STX6: variants seen among roughly 807,000 people sequenced by gnomAD.
The protein encoded by STX6 is syntaxin-6.
In STX6, 23 loss-of-function variants were observed where a neutral mutation model predicts 38.0. The ratio of observed to expected loss-of-function variants is 0.60; its 90% CI spans 0.43 to 0.86. STX6 has a LOEUF of 0.86. Among genes scored for constraint, STX6 ranks in the 40% least tolerant of loss-of-function variants. The pLI is 0.00. For synonymous variants in STX6, 123 were observed against 107.5 expected, an observed-to-expected ratio of 1.14 and a Z score of -0.89; for missense variants, 274 against 312.9, an observed-to-expected ratio of 0.88 and a Z score of 0.94.
rs55654509 is a variant in STX6 at position 181,008,727 on chromosome 1, GTTTTTTTT to G, written c.36-3272_36-3265del. Among the ~76,000 whole-genome samples, 22 of 108,728 alleles carry G rather than the reference GTTTTTTTT, an allele frequency of 2.0e-4. 1 individual carries two copies. In the South Asian group the frequency reaches 4.2e-3, roughly 21 times the overall value. The allele number at this position is 108,728 out of a possible 152,430, so 71.3% of individuals were successfully genotyped here. On this transcript the variant is annotated intron_variant, in intron 1 of 7. Transcript: ENST00000258301. ...TAGTTGATATAAGCTTTCCAAAATT[GTTTTTTTT>G]TTTTTTTTTTTTTTAAACAAAAGGC...
At chr1:181,010,738 A>G (rs1656367790) in intron 1 of STX6, among the ~76,000 whole-genome samples, 1 of 152,154 alleles carries the variant, frequency 6.6e-6, no homozygotes, top group African/African-American at 2.4e-5. Flanking sequence ...CAGGAGTTTT[A>G]GCCACCACAG....
At position 180,992,923 on chromosome 1, in the gene STX6, A is replaced by G. The variant is rs1655794593; in HGVS notation, c.363+440T>C. Reference sequence around the variant, plus strand: ...AATGTAGTAACTGCTAGAGAGCTCAAAACAAACAAACAAACAAGAAACAAA... The same window carrying G: ...AATGTAGTAACTGCTAGAGAGCTCAGAACAAACAAACAAACAAGAAACAAA... On this transcript the variant is annotated intron_variant, in intron 4 of 7. Transcript: ENST00000258301. Among the ~76,000 whole-genome samples, 3 of 152,096 alleles carry G rather than the reference A, an allele frequency of 2.0e-5. No individual in the cohort carries two copies. The South Asian group carries it at 6.2e-4, about 31-fold the overall frequency.
chr1:181,007,655 C>T (rs573574126), intron 1 of STX6, among the ~76,000 whole-genome samples: 2 of 152,254 alleles, frequency 1.3e-5, no homozygotes, highest in Admixed American at 6.5e-5. Context: ...AATGATGATG[C>T]TGGAATTAAA....
chr1:181,005,194 G>A (rs916287940), intron 2 of STX6, 100 bp downstream of exon 2: 12 of 1,515,418 alleles, frequency 7.9e-6, no homozygotes, highest in South Asian at 1.3e-5. Flanking sequence ...AACATTAATC[G>A]ATTATAAAAT....
In STX6 at chr1:180,990,102, A is replaced by G. The variant is rs1655712456; in HGVS notation, c.371T>C (p.Leu124Pro). Residue 124 changes from leucine (L) to proline (P), a missense_variant, in exon 5 of 8, where the codon CTG becomes CCG. Transcript: ENST00000258301. Reference protein sequence around the residue: ...LAERKNRQALLGDSGSQNWST... With the variant: ...LAERKNRQALPGDSGSQNWST... The stretch of plus-strand genomic sequence containing the variant: ...CCAGTTCTGGCTGCCACTGTCTCCC[A>G]GCAGTGCCTGTGTGAGAAGAACAAC... 6.2e-7 allele frequency: 1 copy of G among 1,614,032 alleles called. No individual in the cohort carries two copies. Among genetic ancestry groups the G allele is most frequent in the South Asian group, 1.1e-5 (1 of 91,082 alleles).
chr1:180,990,996 T>C (rs995200133), intron 4 of STX6, among the ~76,000 whole-genome samples: 14 of 152,210 alleles, frequency 9.2e-5, no homozygotes, highest in Non-Finnish European at 1.9e-4. Flanking sequence ...CAGAAGACGC[T>C]AGCAACTAAG....
Position 181,018,388 on chromosome 1 carries a change from CAAAAAAA to C in STX6, c.35+4244_35+4250del, listed in dbSNP as rs34962747. On this transcript the variant is annotated intron_variant, in intron 1 of 7. Coordinates refer to ENST00000258301, the MANE Select transcript of STX6 (RefSeq NM_005819.6). ...TGGGCGACAGAGTAAGACTCTGTCC[CAAAAAAA>C]AAAAAAAAAAAAAAAAAAAGAAAAG... 7.3e-3 allele frequency among the ~76,000 whole-genome samples: 316 copies of C among 43,030 alleles called. 3 individuals carry two copies. The highest frequency in any genetic ancestry group is 0.024 in the African/African-American group (271 of 11,202). The allele number at this position is 43,030 out of a possible 152,430, so 28.2% of individuals were successfully genotyped here.
At position 180,980,545 on chromosome 1, in the gene STX6, CTTTTTTTTTTT is replaced by C. The variant is rs773403625; in HGVS notation, c.692-3910_692-3900del. 22 of 39,140 alleles carry C rather than the reference CTTTTTTTTTTT, an allele frequency of 5.6e-4. 1 individual carries two copies. Among genetic ancestry groups the C allele is most frequent in the African/African-American group, 1.7e-3 (16 of 9,604 alleles). The allele number at this position is 39,140 out of a possible 1,614,324, so 2.4% of individuals were successfully genotyped here. ...ACTTATGTCCATATAAAAACCTGCA[CTTTTTTTTTTT>C]TTTTTTTTTTTTTTTTGAGACAGAG... On this transcript the variant is annotated intron_variant, in intron 7 of 7. Transcript: ENST00000258301.
intron 3 of STX6, among the ~76,000 whole-genome samples, chr1:181,001,591 G>A (rs1256643959): frequency 6.6e-6 from 1 of 152,182 alleles, no homozygotes; most frequent in African/African-American, 2.4e-5. Context: ...ATCTTGGGTT[G>A]CAAGAGTTCC....
Position 181,022,647 on chromosome 1 carries a change from C to A in STX6, c.27G>T (p.Val9=). 1 of 1,610,782 alleles carries A rather than the reference C, an allele frequency of 6.2e-7. No individual in the cohort carries two copies. Among genetic ancestry groups the A allele is most frequent in the Non-Finnish European group, 8.5e-7 (1 of 1,178,614 alleles). MSMEDPFF[V]VKGEVQKAVN... is the part of the protein sequence containing the mutation. Reference sequence around the variant, plus strand: ...GCTCGGCCGACACTCACCCTTTCACCACAAAGAAGGGGTCCTCCATGGACA... The same window carrying A: ...GCTCGGCCGACACTCACCCTTTCACAACAAAGAAGGGGTCCTCCATGGACA... The change falls in exon 1 of 8, where the codon GTG becomes GTT. Residue 9 remains valine (V), a synonymous_variant. Coordinates refer to ENST00000258301, the MANE Select transcript of STX6 (RefSeq NM_005819.6).
chr1:180,991,526 A>G (rs1331507662), intron 4 of STX6, among the ~76,000 whole-genome samples: 1 of 152,238 alleles, frequency 6.6e-6, no homozygotes, highest in Non-Finnish European at 1.5e-5. Flanking sequence ...TCCTGAGGTC[A>G]CAGGGCTATT....
At chr1:181,014,382 A>G (rs1656495950) in intron 1 of STX6, among the ~76,000 whole-genome samples, 1 of 143,102 alleles carries the variant, frequency 7.0e-6, no homozygotes, top group African/African-American at 2.7e-5. Flanking sequence ...AGACAGAGCA[A>G]GACTCCATCT....
rs367855216 is a variant in STX6 at position 180,976,528 on chromosome 1, C to T, written c.*42G>A. ...CGTGCTCAGCTTCTCCTCCTCCCCTCGGTTCATATGCAGGAGGAACTCGCA... is the reference window on the plus strand; with the variant it reads ...CGTGCTCAGCTTCTCCTCCTCCCCTTGGTTCATATGCAGGAGGAACTCGCA... On this transcript the variant is annotated 3_prime_UTR_variant, in exon 8 of 8. Coordinates refer to ENST00000258301, the MANE Select transcript of STX6 (RefSeq NM_005819.6). 5.6e-5 allele frequency: 87 copies of T among 1,548,876 alleles called. 1 individual carries two copies. In the South Asian group the frequency reaches 7.7e-4, roughly 14 times the overall value.
chr1:181,008,257 T>G (rs1387919082), intron 1 of STX6, among the ~76,000 whole-genome samples: 1 of 152,226 alleles, frequency 6.6e-6, no homozygotes, highest in Non-Finnish European at 1.5e-5. Context: ...TAGGGCGCTT[T>G]GTTTCCCTTA....
intron 7 of STX6, among the ~76,000 whole-genome samples, chr1:180,977,028 A>G (rs1254879147): frequency 1.3e-5 from 2 of 152,220 alleles, no homozygotes; most frequent in East Asian, 1.9e-4. Context: ...AAGTCATTTA[A>G]TTAAACAATA....
rs983913957 is a variant in STX6, at chr1:181,022,585, G to A, written c.35+54C>T. 1.1e-5 allele frequency: 17 copies of A among 1,570,700 alleles called. No individual in the cohort carries two copies. The African/African-American group carries it at 2.2e-4, about 20-fold the overall frequency. On this transcript the variant is annotated intron_variant, in intron 1 of 7. Coordinates refer to ENST00000258301, the MANE Select transcript of STX6 (RefSeq NM_005819.6). ...CACTGCGAGAAGACCTAGGAGGTGCGGGCAGGCAGCACCGCCACCTCTTCC... is the reference window on the plus strand; with the variant it reads ...CACTGCGAGAAGACCTAGGAGGTGCAGGCAGGCAGCACCGCCACCTCTTCC...
chr1:181,005,154 A>G, intron 2 of STX6, 140 bp downstream of exon 2: 1 of 1,462,388 alleles, frequency 6.8e-7, no homozygotes, highest in Non-Finnish European at 9.0e-7. Flanking sequence ...CAAATACTTT[A>G]AACATGTCAT....
chr1:181,018,484 T>TAA (rs1303372971), intron 1 of STX6, among the ~76,000 whole-genome samples: 1 of 147,420 alleles, frequency 6.8e-6, no homozygotes, highest in Non-Finnish European at 1.5e-5. Context: ...ATTATATATA[T>TAA]AATATATATT....
At chr1:181,016,247 T>C (rs1478076709) in intron 1 of STX6, among the ~76,000 whole-genome samples, 4 of 152,238 alleles carry the variant, frequency 2.6e-5, no homozygotes, top group Admixed American at 2.6e-4. Flanking sequence ...TTCCTGGTTC[T>C]TGACTTCCAC....
Sources: gnomAD v4.1 joint callset for allele counts (sites outside exome capture counted in the v4.1 genomes callset) on GRCh38, gnomAD v4.1.1 for gene constraint, MANE v1.5 for transcripts, NCBI Gene and HGNC (gene_info 2026-07-23, HGNC 2026-07-21) for gene names.